The following ATOH8 variants were observed in gnomAD, a reference collection of about 807,000 sequenced individuals.
The protein encoded by ATOH8 is atonal bHLH transcription factor 8, also known as transcription factor ATOH8.
A neutral mutation model predicts 21.2 loss-of-function variants in ATOH8; 9 were observed. That is an observed-to-expected ratio of 0.42 (90% CI 0.26 to 0.74). The LOEUF (loss-of-function observed/expected upper bound fraction) is 0.74. ATOH8 is among the 30% of genes least tolerant of loss of function. The pLI, the probability that ATOH8 is intolerant of heterozygous loss-of-function variation, is 0.24. For synonymous variants in ATOH8, 253 were observed against 224.0 expected (o/e 1.13, Z -1.16); for missense variants, 524 against 470.9 (o/e 1.11, Z -1.04).
At chr2:85,769,463 C>G (rs1053477217) in intron 2 of ATOH8, among the ~76,000 whole-genome samples, 6 of 152,210 alleles carry the variant, frequency 3.9e-5, no homozygotes, top group African/African-American at 1.4e-4. Flanking sequence ...GCTCCTGGCC[C>G]TGTGGGTAAT....
intron 1 of ATOH8, among the ~76,000 whole-genome samples, chr2:85,759,673 G>T (rs1181611053): frequency 1.3e-5 from 2 of 152,116 alleles, no homozygotes; most frequent in East Asian, 3.9e-4. Flanking sequence ...GTGGATTCAC[G>T]TCGGGAGTCC....
chr2:85,764,788 G>A (rs1044447624), intron 2 of ATOH8, among the ~76,000 whole-genome samples: 1 of 152,194 alleles, frequency 6.6e-6, no homozygotes, highest in Non-Finnish European at 1.5e-5. Flanking sequence ...CTTGTAAGTA[G>A]ATGAGGGCAG....
intron 2 of ATOH8, among the ~76,000 whole-genome samples, chr2:85,780,051 C>A (rs1213986423): frequency 6.6e-6 from 1 of 152,146 alleles, no homozygotes; most frequent in Non-Finnish European, 1.5e-5. Flanking sequence ...CCCCACCTTG[C>A]GGTGGGTGTG....
At chr2:85,781,843 A>G (rs1385399134) in intron 2 of ATOH8, among the ~76,000 whole-genome samples, 1 of 152,108 alleles carries the variant, frequency 6.6e-6, no homozygotes, top group Admixed American at 6.5e-5. Context: ...GCACCACTGC[A>G]TTTCAACCTG....
In ATOH8 at chr2:85,766,853, C is replaced by G. The variant is rs1267351499; in HGVS notation, c.960+2671C>G. Among the ~76,000 whole-genome samples the G allele has an allele frequency of 6.6e-6, 1 of 152,196 alleles. No homozygotes were observed. Among genetic ancestry groups the G allele is most frequent in the East Asian group, 1.9e-4 (1 of 5,176 alleles). On this transcript the variant is annotated intron_variant, in intron 2 of 2. Transcript: ENST00000306279. The surrounding 1 kb of genome is among the most constrained non-coding windows in gnomAD (Gnocchi z 4.0). Reference sequence around the variant, plus strand: ...CTCTCTGAGTCTGGCTCACACTGTTCCCCTCTTTATCCGCTCTCTTGGTGG... The same window carrying G: ...CTCTCTGAGTCTGGCTCACACTGTTGCCCTCTTTATCCGCTCTCTTGGTGG...
intron 2 of ATOH8, chr2:85,781,111 T>G: frequency 1.0e-6 from 1 of 984,112 alleles, no homozygotes; most frequent in Non-Finnish European, 1.2e-6. Flanking sequence ...AAAACACCAG[T>G]GCAGCTTATG....
In ATOH8 at chr2:85,789,779, A is replaced by T. The variant is rs1680717173; in HGVS notation, c.*2889A>T. 6.6e-6 allele frequency among the ~76,000 whole-genome samples: 1 copy of T among 152,156 alleles called. No individual in the cohort carries two copies. Among genetic ancestry groups the T allele is most frequent in the Non-Finnish European group, 1.5e-5 (1 of 68,020 alleles). On this transcript the variant is annotated 3_prime_UTR_variant, in exon 3 of 3. Coordinates refer to ENST00000306279, the MANE Select transcript of ATOH8 (RefSeq NM_032827.7). The stretch of plus-strand genomic sequence containing the variant: ...GTCTAAGTGGGGTCTGGTCTACGAT[A>T]AGAAAGTGACTTTGAGCCATCGATT...
intron 2 of ATOH8, among the ~76,000 whole-genome samples, chr2:85,786,665 A>T (rs1680629093): frequency 6.6e-6 from 1 of 151,838 alleles, no homozygotes; most frequent in African/African-American, 2.4e-5. Flanking sequence ...ACCAACCAAA[A>T]CGCAGGGCCT....
Position 85,785,229 on chromosome 2 carries a change from C to T in ATOH8, c.961-1656C>T, listed in dbSNP as rs1385840404. Among the ~76,000 whole-genome samples, 5 of 152,246 alleles carry T rather than the reference C, an allele frequency of 3.3e-5. No homozygotes were observed. The highest frequency in any genetic ancestry group is 4.4e-5 in the Non-Finnish European group (3 of 68,040). On this transcript the variant is annotated intron_variant, in intron 2 of 2. Coordinates refer to ENST00000306279, the MANE Select transcript of ATOH8 (RefSeq NM_032827.7). The surrounding 1 kb of genome is among the most constrained non-coding windows in gnomAD (Gnocchi z 4.1). Reference sequence around the variant, plus strand: ...TGGCAGGGCCCGCCCAGGCAGCCAGCGCCGGGATGACGCGAGCTGTAAATC... The same window carrying T: ...TGGCAGGGCCCGCCCAGGCAGCCAGTGCCGGGATGACGCGAGCTGTAAATC...
At chr2:85,770,320 C>T (rs1214789888) in intron 2 of ATOH8, among the ~76,000 whole-genome samples, 1 of 152,306 alleles carries the variant, frequency 6.6e-6, no homozygotes, top group East Asian at 1.9e-4. Context: ...TGTCCTGCTT[C>T]TCACATGGGA....
chr2:85,764,123 G>C lies in ATOH8; in HGVS notation c.901G>C (p.Glu301Gln), dbSNP rs771168034. ...CGACCACAGCAACCTCAGCTTCTCCGAGTGTGTGCAGCGCTGCACCCGCAC... is the reference window on the plus strand; with the variant it reads ...CGACCACAGCAACCTCAGCTTCTCCCAGTGTGTGCAGCGCTGCACCCGCAC... ...SADHSNLSFS[E>Q]CVQRCTRTLQ... is the part of the protein sequence containing the mutation. Residue 301 changes from glutamate (E) to glutamine (Q), a missense_variant, in exon 2 of 3, where the codon GAG becomes CAG. Transcript: ENST00000306279. The C allele has an allele frequency of 6.2e-7, 1 of 1,614,048 alleles. No individual in the cohort carries two copies. The highest frequency in any genetic ancestry group is 8.5e-7 in the Non-Finnish European group (1 of 1,180,042).
Position 85,754,695 on chromosome 2 carries a change from C to A in ATOH8, c.506C>A (p.Pro169Gln). 6.2e-7 allele frequency: 1 copy of A among 1,605,720 alleles called. No homozygotes were observed. Among genetic ancestry groups the A allele is most frequent in the Non-Finnish European group, 8.5e-7 (1 of 1,176,476 alleles). Residue 169 changes from proline to glutamine, a missense_variant, in exon 1 of 3, where the codon CCA becomes CAA. By Grantham distance (76) the Pro-to-Gln change is moderately conservative. Transcript: ENST00000306279. ...PPARPAPSAPPAPPAPPESTV... is the reference protein window; with the variant it reads ...PPARPAPSAPQAPPAPPESTV... Reference sequence around the variant, plus strand: ...GCGCGCCCCGCGCCGTCAGCACCCCCAGCACCGCCAGCGCCCCCGGAGTCC... The same window carrying A: ...GCGCGCCCCGCGCCGTCAGCACCCCAAGCACCGCCAGCGCCCCCGGAGTCC...
chr2:85,773,487 A>G (rs1680245370), intron 2 of ATOH8: 1 of 152,992 alleles, frequency 6.5e-6, no homozygotes, highest in African/African-American at 2.4e-5. Context: ...CTGAGGGAGG[A>G]GCTGAGTTGG....
chr2:85,760,898 C>T (rs1226269596), intron 1 of ATOH8: 1 of 152,232 alleles, frequency 6.6e-6, no homozygotes, highest in Non-Finnish European at 1.5e-5. Flanking sequence ...AAAGTCACAC[C>T]GCTTGTAAGT....
At chr2:85,776,557 A>G (rs950865633) in intron 2 of ATOH8, among the ~76,000 whole-genome samples, 2 of 152,166 alleles carry the variant, frequency 1.3e-5, no homozygotes, top group African/African-American at 4.8e-5. Context: ...ATGTGCATGC[A>G]TGCACACACG....
At position 85,775,098 on chromosome 2, in the gene ATOH8, T is replaced by G. The variant is rs559591537; in HGVS notation, c.960+10916T>G. On this transcript the variant is annotated intron_variant, in intron 2 of 2. Coordinates refer to ENST00000306279, the MANE Select transcript of ATOH8 (RefSeq NM_032827.7). ...TATATTAGATTTCATGTCATTACAT[T>G]GTATTATATTATATTTTTAGGTGGT... is the stretch of plus-strand genomic sequence containing the variant. 4.8e-4 allele frequency: 448 copies of G among 941,972 alleles called. 3 individuals are homozygous for G. The highest frequency in any genetic ancestry group is 3.7e-4 in the Admixed American group (6 of 16,238). 58.4% of individuals were successfully genotyped at this position (941,972 alleles called of 1,614,324 possible). A position where few individuals can be genotyped will look rare whatever the true frequency, so the allele number is the denominator to read the frequency against.
At chr2:85,786,192 C>T (rs184774095) in intron 2 of ATOH8, among the ~76,000 whole-genome samples, 20 of 152,348 alleles carry the variant, frequency 1.3e-4, no homozygotes, top group Non-Finnish European at 2.1e-4. Flanking sequence ...CCCAGGCTCT[C>T]TGTTGGAAGG....
Position 85,766,779 on chromosome 2 carries a change from G to A in ATOH8, c.960+2597G>A, listed in dbSNP as rs767680847. 1.3e-5 allele frequency among the ~76,000 whole-genome samples: 2 copies of A among 152,120 alleles called. No individual in the cohort carries two copies. Among genetic ancestry groups the A allele is most frequent in the Non-Finnish European group, 2.9e-5 (2 of 68,006 alleles). On this transcript the variant is annotated intron_variant, in intron 2 of 2. Transcript: ENST00000306279. The surrounding 1 kb of genome is among the most constrained non-coding windows in gnomAD (Gnocchi z 4.0). ...CGCTTCTGGGCACCTATGCTTTTGC[G>A]GTCATAATTGCTAGCTGTCACCCTC...
At chr2:85,780,616 C>T (rs1197950824) in intron 2 of ATOH8, 1 of 152,680 alleles carries the variant, frequency 6.5e-6, no homozygotes, top group Admixed American at 6.5e-5. Context: ...CTCAGCTTTC[C>T]CCTAGAGTTA....
Sources: gnomAD v4.1 joint callset for allele counts (sites outside exome capture counted in the v4.1 genomes callset) on GRCh38, gnomAD v4.1.1 for gene constraint, Gnocchi (gnomAD v3.1) non-coding constraint, MANE v1.5 for transcripts, NCBI Gene and HGNC (gene_info 2026-07-23, HGNC 2026-07-21) for gene names.